Variants in RDH13 observed in about 807,000 individuals in gnomAD.
RDH13 encodes retinol dehydrogenase 13, also known as retinol dehydrogenase 13 (all-trans and 9-cis).
In RDH13, 35 loss-of-function variants were observed where a neutral mutation model predicts 28.3. The ratio of observed to expected loss-of-function variants is 1.24; its 90% confidence interval spans 0.95 to 1.64. RDH13 has a LOEUF of 1.64. Among genes scored for constraint, RDH13 ranks in the 40% most tolerant of loss-of-function variants. The pLI, the probability that RDH13 is intolerant of heterozygous loss-of-function variation, is 0.00. For synonymous variants in RDH13, 229 were observed against 198.5 expected, an observed-to-expected ratio of 1.15 and a Z score of -1.29; for missense variants, 514 against 446.3, an observed-to-expected ratio of 1.15 and a Z score of -1.37.
chr19:55,057,775 T>G (rs2075685427), intron 2 of RDH13, among the ~76,000 whole-genome samples: 1 of 150,922 alleles, frequency 6.6e-6, no homozygotes. Flanking sequence ...TCACTTAAAA[T>G]TTATCATCTT....
chr19:55,056,850 C>T (rs781698196), intron 2 of RDH13, 42 bp from the exon 3 acceptor site: 15 of 1,518,156 alleles, frequency 9.9e-6, no homozygotes, highest in East Asian at 2.4e-5. Flanking sequence ...TAATAATCCA[C>T]TCCTGGGTAC....
chr19:55,063,314 C>G, upstream of RDH13: 1 of 377,750 alleles, frequency 2.6e-6, no homozygotes. Context: ...GGGGGCGGGG[C>G]CTATGGTTTG....
intron 2 of RDH13, 33 bp from the exon 3 acceptor site, chr19:55,056,841 A>AAT (rs1568720791): frequency 1.9e-6 from 3 of 1,569,346 alleles, no homozygotes; most frequent in Non-Finnish European, 2.6e-6. Context: ...GATTTAAATT[A>AAT]ATAATCCACT....
intron 2 of RDH13, among the ~76,000 whole-genome samples, chr19:55,057,435 CT>C (rs35843215): frequency 9.3e-4 from 128 of 136,914 alleles, no homozygotes; most frequent in Non-Finnish European, 6.1e-4. Context: ...CCATCCTCTC[CT>C]TTTTTTTTTT....
intron 1 of RDH13, 45 bp from the exon 2 acceptor site, chr19:55,059,320 AC>A: frequency 7.7e-7 from 1 of 1,297,802 alleles, no homozygotes; most frequent in Non-Finnish European, 1.1e-6. Context: ...GCCCACTCTC[AC>A]CCCACGTGCC....
At chr19:55,066,755 TCCC>T (rs1200047812), upstream of RDH13, among the ~76,000 whole-genome samples, 17 of 150,484 alleles carry the variant, frequency 1.1e-4, no homozygotes, top group African/African-American at 4.2e-4. Flanking sequence ...TCTCTCCCTC[TCCC>T]CCCAACTCTC....
chr19:55,063,039 C>T lies in RDH13; in HGVS notation c.-7G>A, dbSNP rs1213617955. 3.6e-6 allele frequency: 5 copies of T among 1,378,554 alleles called. No individual in the cohort carries two copies. Among genetic ancestry groups the T allele is most frequent in the Middle Eastern group, 2.0e-4 (1 of 5,096 alleles). 85.4% of individuals were successfully genotyped at this position (1,378,554 alleles called of 1,614,324 possible). On this transcript the variant is annotated 5_prime_UTR_variant, in exon 1 of 7. Coordinates refer to ENST00000415061, the MANE Select transcript of RDH13 (RefSeq NM_001145971.2). Reference sequence around the variant, plus strand: ...GCAGCAGGTAGCGGCTCATGCCGGGCCGGGGACAGGCGTCAGGCGTCAGGG... The same window carrying T: ...GCAGCAGGTAGCGGCTCATGCCGGGTCGGGGACAGGCGTCAGGCGTCAGGG...
chr19:55,057,813 ATTT>A (rs35480304), intron 2 of RDH13, among the ~76,000 whole-genome samples: 2 of 142,010 alleles, frequency 1.4e-5, no homozygotes, highest in Admixed American at 7.1e-5. Context: ...GTTTATTATT[ATTT>A]TTTTTTTTTT....
intron 3 of RDH13, among the ~76,000 whole-genome samples, chr19:55,052,341 G>A (rs1255769316): frequency 6.6e-6 from 1 of 151,450 alleles, no homozygotes; most frequent in Non-Finnish European, 1.5e-5. Flanking sequence ...CCAGGAGATG[G>A]AGGTTGCAGC....
At chr19:55,047,156 ACACGGTTTTCT>A in intron 6 of RDH13, 1 of 1,400,602 alleles carries the variant, frequency 7.1e-7, no homozygotes, top group South Asian at 1.6e-5. Context: ...TTCCTCTGAG[ACACGGTTTTCT>A]CATCCGCCAG....
chr19:55,045,370 G>A (rs914692549), intron 6 of RDH13, 61 bp from the exon 7 acceptor site: 18 of 1,376,962 alleles, frequency 1.3e-5, no homozygotes, highest in African/African-American at 1.2e-4. Context: ...AGGAAGCCCC[G>A]CTCCCCGGTC....
At chr19:55,054,928 A>G (rs2075581594) in intron 3 of RDH13, among the ~76,000 whole-genome samples, 1 of 152,172 alleles carries the variant, frequency 6.6e-6, no homozygotes, top group African/African-American at 2.4e-5. Context: ...TACAATGTAC[A>G]TCATGCTGTA....
intron 6 of RDH13, 133 bp downstream of exon 6, chr19:55,047,254 G>A: frequency 1.4e-6 from 2 of 1,454,612 alleles, no homozygotes; most frequent in Non-Finnish European, 1.8e-6. Context: ...TGTGCTCTGT[G>A]CCTCAGAAGA....
At chr19:55,045,409 A>AT in intron 6 of RDH13, 100 bp from the exon 7 acceptor site, 1 of 872,220 alleles carries the variant, frequency 1.1e-6, no homozygotes, top group Non-Finnish European at 1.8e-6. Context: ...GGAGTCCCAC[A>AT]GAGCCCTCCT....
chr19:55,046,062 A>C (rs952317984), intron 6 of RDH13, among the ~76,000 whole-genome samples: 2 of 151,408 alleles, frequency 1.3e-5, no homozygotes, highest in Non-Finnish European at 2.9e-5. Flanking sequence ...AGCCTGGCCA[A>C]CGTGTGAAAC....
At chr19:55,059,384 C>T in intron 1 of RDH13, 109 bp from the exon 2 acceptor site, 1 of 677,082 alleles carries the variant, frequency 1.5e-6, no homozygotes, top group East Asian at 2.7e-5. Context: ...CATACCCCAA[C>T]TGAAACACAG....
chr19:55,057,240 G>T (rs1568722038), intron 2 of RDH13, among the ~76,000 whole-genome samples: 1 of 152,162 alleles, frequency 6.6e-6, no homozygotes, highest in African/African-American at 2.4e-5. Context: ...AGGGGGTGGG[G>T]AGAGGGAATT....
chr19:55,062,324 AC>A (rs1420795688), intron 1 of RDH13, among the ~76,000 whole-genome samples: 1 of 152,196 alleles, frequency 6.6e-6, no homozygotes, highest in Non-Finnish European at 1.5e-5. Flanking sequence ...CACTGCACCC[AC>A]AGGAGAGAAG....
chr19:55,057,688 G>A (rs11668339), intron 2 of RDH13, among the ~76,000 whole-genome samples: 65,721 of 151,750 alleles, frequency 0.43, 14,664 homozygotes, highest in East Asian at 0.59. Context: ...TCCACCCCGC[G>A]GCCTCCCAAA....
Sources: gnomAD v4.1 joint callset for allele counts (sites outside exome capture counted in the v4.1 genomes callset) on GRCh38, gnomAD v4.1.1 for gene constraint, MANE v1.5 for transcripts, NCBI Gene and HGNC (gene_info 2026-07-23, HGNC 2026-07-21) for gene names.